Variants in NUFIP1 observed in about 807,000 individuals in gnomAD.
NUFIP1 encodes the protein FMR1-interacting protein NUFIP1.
NUFIP1 carries 38 observed loss-of-function variants against 56.2 expected under a neutral mutation model. That is an observed-to-expected ratio of 0.68 (90% CI 0.52 to 0.89). The LOEUF is 0.89. NUFIP1 is among the 40% of genes least tolerant of loss of function. The pLI is 0.00. For missense variants in NUFIP1, 567 were observed against 605.8 expected (o/e 0.94, Z 0.67); for synonymous variants, 215 against 212.4 (o/e 1.01, Z -0.10).
chr13:44,956,564 ACAGTCC>A (rs1871250716), intron 7 of NUFIP1, among the ~76,000 whole-genome samples: 1 of 152,192 alleles, frequency 6.6e-6, no homozygotes, highest in Non-Finnish European at 1.5e-5. Context: ...CTGCAACTAG[ACAGTCC>A]CATCTTGGGA....
chr13:44,966,610 C>T lies in NUFIP1; in HGVS notation c.735-674G>A, dbSNP rs547015722. Among the ~76,000 whole-genome samples the T allele has an allele frequency of 7.2e-5, 11 of 152,162 alleles. No homozygotes were observed. In the South Asian group the frequency reaches 1.9e-3, roughly 26 times the overall value. ...GATTACAGGCGTGAACCATCACGCC[C>T]GGCCAAGTCTATCCAATTTCTTATG... is the stretch of plus-strand genomic sequence containing the variant. On this transcript the variant is annotated intron_variant, in intron 5 of 9. Coordinates refer to ENST00000379161, the MANE Select transcript of NUFIP1 (RefSeq NM_012345.3).
intron 2 of NUFIP1, among the ~76,000 whole-genome samples, chr13:44,981,087 A>C (rs919085978): frequency 6.6e-6 from 1 of 152,210 alleles, no homozygotes; most frequent in South Asian, 2.1e-4. Context: ...GCAGATTGCA[A>C]ATTGGTTATC....
intron 5 of NUFIP1, among the ~76,000 whole-genome samples, chr13:44,971,204 C>G (rs989166382): frequency 6.6e-6 from 1 of 152,140 alleles, no homozygotes; most frequent in African/African-American, 2.4e-5. Context: ...ATTTTCAGAG[C>G]ACTTACTAAA....
At chr13:44,983,121 T>G (rs1041673015) in intron 1 of NUFIP1, among the ~76,000 whole-genome samples, 4 of 152,122 alleles carry the variant, frequency 2.6e-5, no homozygotes, top group African/African-American at 7.2e-5. Flanking sequence ...TCCAAAGTCC[T>G]GGGACTGCAA....
chr13:44,988,289 G>A (rs1163277508), intron 1 of NUFIP1, among the ~76,000 whole-genome samples: 12 of 152,140 alleles, frequency 7.9e-5, no homozygotes, highest in African/African-American at 1.2e-4. Context: ...GTGTGGTGGC[G>A]TGGGCCTGTA....
At chr13:44,984,536 G>C (rs1872313602) in intron 1 of NUFIP1, among the ~76,000 whole-genome samples, 6 of 152,134 alleles carry the variant, frequency 3.9e-5, no homozygotes, top group Admixed American at 3.9e-4. Flanking sequence ...CAGCTACTCA[G>C]GAGGCTGAGG....
intron 7 of NUFIP1, among the ~76,000 whole-genome samples, chr13:44,953,809 T>C (rs2137898108): frequency 6.6e-6 from 1 of 152,290 alleles, no homozygotes; most frequent in South Asian, 2.1e-4. Context: ...TAGGTATACT[T>C]GTTCCTAGGA....
chr13:44,980,682 C>T, intron 3 of NUFIP1, 40 bp downstream of exon 3: 1 of 1,277,412 alleles, frequency 7.8e-7, no homozygotes, highest in Non-Finnish European at 1.1e-6. Context: ...AGAAGAAGCA[C>T]AATTGCTACA....
intron 5 of NUFIP1, among the ~76,000 whole-genome samples, chr13:44,972,042 A>G (rs1871824039): frequency 6.6e-6 from 1 of 152,168 alleles, no homozygotes; most frequent in Non-Finnish European, 1.5e-5. Context: ...TTTTATCTGA[A>G]TACTTTCCAT....
intron 1 of NUFIP1, among the ~76,000 whole-genome samples, chr13:44,985,940 T>C (rs1872373573): frequency 6.6e-6 from 1 of 152,188 alleles, no homozygotes. Flanking sequence ...AGGCCTCTTG[T>C]GCCAAACGGC....
In NUFIP1 at chr13:44,979,243, C is replaced by T; in HGVS notation, c.681G>A (p.Lys227=). ...TTTCCTCTGGAGTGTCTAACTTGAT[C>T]TTCTTCATGCCAGGAGCATGCATCT... ...WRNMHAPGMK[K]IKLDTPEEIA... The change falls in exon 5 of 10, where the codon AAG becomes AAA. Residue 227 remains lysine (K), a synonymous_variant. Transcript: ENST00000379161. 2 of 1,613,414 alleles carry T rather than the reference C, an allele frequency of 1.2e-6. No individual in the cohort carries two copies. The highest frequency in any genetic ancestry group is 2.2e-5 in the South Asian group (2 of 90,974).
intron 7 of NUFIP1, among the ~76,000 whole-genome samples, chr13:44,952,353 T>C (rs1224324334): frequency 2.0e-5 from 3 of 152,060 alleles, no homozygotes; most frequent in Non-Finnish European, 4.4e-5. Context: ...TCGAACTCCT[T>C]ACCTCAAGTG....
At chr13:44,969,148 A>G (rs1005687637) in intron 5 of NUFIP1, among the ~76,000 whole-genome samples, 11 of 152,206 alleles carry the variant, frequency 7.2e-5, no homozygotes, top group African/African-American at 2.7e-4. Flanking sequence ...GCTGAAATCA[A>G]TAAAATCCTC....
At chr13:44,955,710 G>A (rs912520789) in intron 7 of NUFIP1, among the ~76,000 whole-genome samples, 5 of 152,144 alleles carry the variant, frequency 3.3e-5, no homozygotes. Context: ...AACATATATT[G>A]GAGAGTGGAG....
At chr13:44,969,086 C>T (rs1871715563) in intron 5 of NUFIP1, among the ~76,000 whole-genome samples, 1 of 151,964 alleles carries the variant, frequency 6.6e-6, no homozygotes, top group East Asian at 1.9e-4. Flanking sequence ...TATCATGTTC[C>T]TAAAAGTAAG....
intron 8 of NUFIP1, 129 bp from the exon 9 acceptor site, chr13:44,943,803 T>C: frequency 1.4e-6 from 1 of 716,324 alleles, no homozygotes; most frequent in South Asian, 2.1e-5. Context: ...AACTTAAAAC[T>C]ATGAAAGATT....
At chr13:44,986,235 T>C (rs1872386138) in intron 1 of NUFIP1, among the ~76,000 whole-genome samples, 1 of 152,184 alleles carries the variant, frequency 6.6e-6, no homozygotes, top group Non-Finnish European at 1.5e-5. Context: ...CTATTCAAGA[T>C]ACCATTAAGA....
Position 44,959,567 on chromosome 13 carries a change from T to TA in NUFIP1, c.834_835insT (p.Lys279Ter). ...ATTTGTGAATGTCTGGACATCCCCT[T>TA]CATCTTGCTGGAGTAAGAAAATTGC... On this transcript the variant is annotated frameshift_variant, in exon 7 of 10. Coordinates refer to ENST00000379161, the MANE Select transcript of NUFIP1 (RefSeq NM_012345.3). LOFTEE classifies it high-confidence loss of function. 6.2e-7 allele frequency: 1 copy of TA among 1,605,108 alleles called. No homozygotes were observed. The highest frequency in any genetic ancestry group is 1.1e-5 in the South Asian group (1 of 88,700).
At chr13:44,955,277 C>A (rs2137899417) in intron 7 of NUFIP1, among the ~76,000 whole-genome samples, 1 of 152,304 alleles carries the variant, frequency 6.6e-6, no homozygotes, top group East Asian at 1.9e-4. Context: ...AATTGGGAGA[C>A]TTCTTTAAAT....
Sources: allele counts gnomAD v4.1 joint callset (sites outside exome capture counted in the v4.1 genomes callset), GRCh38; gene constraint gnomAD v4.1.1; transcripts MANE v1.5; gene names NCBI Gene and HGNC (gene_info 2026-07-23, HGNC 2026-07-21).